The following ANKFN1 variants were observed in gnomAD, a reference collection of about 807,000 sequenced individuals.
ANKFN1 encodes ankyrin repeat and fibronectin type-III domain-containing protein 1.
In ANKFN1, 74 loss-of-function variants were observed where a neutral mutation model predicts 108.7. That is an observed-to-expected ratio of 0.68 (90% CI 0.56 to 0.83). The LOEUF is 0.83. ANKFN1 is among the 40% of genes least tolerant of loss of function. The pLI, the probability that ANKFN1 is intolerant of heterozygous loss-of-function variation, is 0.00. For synonymous variants in ANKFN1, 547 were observed against 516.2 expected, an observed-to-expected ratio of 1.06 and a Z score of -0.81; for missense variants, 1,505 against 1,382.3, an observed-to-expected ratio of 1.09 and a Z score of -1.41.
At chr17:56,277,184 A>G (rs1019905672) in intron 3 of ANKFN1, among the ~76,000 whole-genome samples, 2 of 152,246 alleles carry the variant, frequency 1.3e-5, no homozygotes, top group African/African-American at 4.8e-5. Flanking sequence ...TTATTCCTAC[A>G]GTGTTCAATA....
rs552929599 is a variant in ANKFN1, at chr17:56,492,240, G to A, written c.2314G>A (p.Ala772Thr). 1.0e-5 allele frequency: 7 copies of A among 702,474 alleles called. No homozygotes were observed. The highest frequency in any genetic ancestry group is 1.8e-5 in the Non-Finnish European group (7 of 384,710). 43.5% of individuals were successfully genotyped at this position (702,474 alleles called of 1,614,324 possible). Residue 772 changes from alanine to threonine, a missense_variant, in exon 19 of 21, where the codon GCT becomes ACT. Transcript: ENST00000682825. ...TATTAGTCTGTATTGCCGCCTTTCT[G>A]CTGTTGTGGAGCTGGATTCTCTGAA... ...KFISLYCRLS[A>T]VVELDSLNTQ...
rs1453199236 is a variant in ANKFN1 at position 56,139,071 on chromosome 17, C to A, written c.289-88846C>A. On this transcript the variant is annotated intron_variant, in intron 4 of 12. Transcript: ENST00000635860. ...CAAAAGGCTAGTGATCAGAAGCTAT[C>A]CAAATTTACTAAAATCTAATTCCTT... 9.2e-5 allele frequency among the ~76,000 whole-genome samples: 14 copies of A among 152,196 alleles called. No individual in the cohort carries two copies. In the South Asian group the frequency reaches 2.5e-3, roughly 27 times the overall value.
intron 4 of ANKFN1, among the ~76,000 whole-genome samples, chr17:56,331,961 A>G (rs994216062): frequency 1.3e-5 from 2 of 152,138 alleles, no homozygotes; most frequent in Non-Finnish European, 2.9e-5. Context: ...TCTTTTATAT[A>G]TGTTGGCTTC....
At chr17:56,124,193 G>A (rs1906790482) in intron 4 of ANKFN1, among the ~76,000 whole-genome samples, 1 of 152,124 alleles carries the variant, frequency 6.6e-6, no homozygotes, top group Non-Finnish European at 1.5e-5. Context: ...CAAACATTTT[G>A]CTGGTCTGTG....
intron 20 of ANKFN1, 39 bp downstream of exon 20, chr17:56,499,137 G>A: frequency 6.6e-7 from 1 of 1,520,352 alleles, no homozygotes; most frequent in Non-Finnish European, 8.8e-7. Flanking sequence ...TTTAGTCCCT[G>A]GACTTTTGAT....
intron 3 of ANKFN1, among the ~76,000 whole-genome samples, chr17:56,270,950 G>A (rs1360582123): frequency 6.6e-6 from 1 of 151,764 alleles, no homozygotes; most frequent in Non-Finnish European, 1.5e-5. Flanking sequence ...TTTCTTCTTA[G>A]CACTTAGCAC....
chr17:56,338,003 C>T (rs558625790), intron 4 of ANKFN1, among the ~76,000 whole-genome samples: 7 of 152,170 alleles, frequency 4.6e-5, no homozygotes, highest in South Asian at 4.2e-4. Flanking sequence ...CACGTGCACA[C>T]GTATGCTTAT....
At position 56,513,282 on chromosome 17, in the gene ANKFN1, T is replaced by A. The variant is rs531364202; in HGVS notation, c.*2013T>A. Among the ~76,000 whole-genome samples, 2 of 152,360 alleles carry A rather than the reference T, an allele frequency of 1.3e-5. No individual in the cohort carries two copies. Among genetic ancestry groups the A allele is most frequent in the South Asian group, 2.1e-4 (1 of 4,828 alleles). On this transcript the variant is annotated 3_prime_UTR_variant, in exon 21 of 21. Coordinates refer to ENST00000682825, the MANE Select transcript of ANKFN1 (RefSeq NM_001370326.1). ...TCTGATTTCAAATTCAACCTTTACCTAACAAGTTTCCAATATTACAGAGCT... is the reference window on the plus strand; with the variant it reads ...TCTGATTTCAAATTCAACCTTTACCAAACAAGTTTCCAATATTACAGAGCT...
intron 1 of ANKFN1, among the ~76,000 whole-genome samples, chr17:56,211,951 G>A (rs551324090): frequency 3.0e-4 from 45 of 152,120 alleles, no homozygotes; most frequent in Non-Finnish European, 5.3e-4. Flanking sequence ...CATTAATTTT[G>A]TATCCTGAAA....
intron 8 of ANKFN1, among the ~76,000 whole-genome samples, chr17:56,375,538 T>C (rs1229064615): frequency 2.6e-5 from 4 of 152,118 alleles, no homozygotes; most frequent in South Asian, 4.2e-4. Context: ...AGCAGAGCCA[T>C]TGAATAAGGT....
chr17:56,104,340 A>G (rs189449414), intron 4 of ANKFN1, among the ~76,000 whole-genome samples: 24 of 152,290 alleles, frequency 1.6e-4, no homozygotes, highest in African/African-American at 5.3e-4. Context: ...ATGGATCACA[A>G]TTCTCAATTT....
intron 3 of ANKFN1, among the ~76,000 whole-genome samples, chr17:56,241,937 G>A (rs1159528748): frequency 6.6e-6 from 1 of 152,056 alleles, no homozygotes; most frequent in African/African-American, 2.4e-5. Context: ...GACAGAGAGA[G>A]GATTCATGCC....
In ANKFN1 at chr17:56,262,804, A is replaced by T. The variant is rs1046016417; in HGVS notation, c.53+34847A>T. 1.1e-4 allele frequency among the ~76,000 whole-genome samples: 16 copies of T among 151,532 alleles called. No homozygotes were observed. The East Asian group carries it at 2.9e-3, about 27-fold the overall frequency. On this transcript the variant is annotated intron_variant, in intron 3 of 20. Coordinates refer to ENST00000682825, the MANE Select transcript of ANKFN1 (RefSeq NM_001370326.1). ...ACCTTTTTTATTTTTTTCCTGCCAT[A>T]CCCCCTCACAGAGCAGTAACACAGC...
intron 8 of ANKFN1, among the ~76,000 whole-genome samples, chr17:56,389,672 G>A (rs2047373637): frequency 6.6e-6 from 1 of 152,082 alleles, no homozygotes; most frequent in African/African-American, 2.4e-5. Flanking sequence ...ACAAAACTAA[G>A]GTTTTATGTC....
chr17:56,454,770 TA>T (rs1399918811), intron 11 of ANKFN1, among the ~76,000 whole-genome samples: 7 of 152,186 alleles, frequency 4.6e-5, no homozygotes, highest in African/African-American at 1.7e-4. Context: ...ATATTATGTA[TA>T]AAAGCTTATG....
At chr17:56,409,771 A>G (rs2048033464) in intron 8 of ANKFN1, among the ~76,000 whole-genome samples, 1 of 152,172 alleles carries the variant, frequency 6.6e-6, no homozygotes, top group Non-Finnish European at 1.5e-5. Flanking sequence ...TAATAAGGGA[A>G]AAACAGGTAC....
At chr17:56,417,907 A>G (rs1435616325) in intron 8 of ANKFN1, among the ~76,000 whole-genome samples, 2 of 152,198 alleles carry the variant, frequency 1.3e-5, no homozygotes, top group Admixed American at 1.3e-4. Flanking sequence ...TTGTTCACAC[A>G]GGAGGATGAG....
At chr17:56,284,452 G>C (rs898253798) in intron 3 of ANKFN1, among the ~76,000 whole-genome samples, 1 of 151,926 alleles carries the variant, frequency 6.6e-6, no homozygotes, top group Admixed American at 6.6e-5. Context: ...ATCTTCTTAA[G>C]TGTAAAATGT....
At chr17:56,382,678 C>G (rs1466423865) in intron 8 of ANKFN1, among the ~76,000 whole-genome samples, 1 of 152,152 alleles carries the variant, frequency 6.6e-6, no homozygotes, top group Non-Finnish European at 1.5e-5. Context: ...GTGTTGCAAT[C>G]CTAGTCTCTG....
Sources: allele counts gnomAD v4.1 joint callset (sites outside exome capture counted in the v4.1 genomes callset), GRCh38; gene constraint gnomAD v4.1.1; transcripts MANE v1.5; gene names NCBI Gene and HGNC (gene_info 2026-07-23, HGNC 2026-07-21).